Variants in JMY observed in about 807,000 individuals in gnomAD.
JMY encodes the protein junction mediating and regulatory protein, p53 cofactor.
In JMY, 46 loss-of-function variants were observed where a neutral mutation model predicts 103.3. The observed-to-expected ratio is 0.45, with a 90% CI of 0.35 to 0.57. The LOEUF (loss-of-function observed/expected upper bound fraction) is 0.57, where lower values mean the gene tolerates loss of function less well. Among genes scored for constraint, JMY ranks in the 20% least tolerant of loss-of-function variants. The pLI, the probability that JMY is intolerant of heterozygous loss-of-function variation, is 0.00. For synonymous variants in JMY, 526 were observed against 489.3 expected, an observed-to-expected ratio of 1.07 and a Z score of -0.99; for missense variants, 1,238 against 1,255.2, an observed-to-expected ratio of 0.99 and a Z score of 0.21.
chr5:79,265,530 G>GTACC (rs1745560070), intron 1 of JMY, among the ~76,000 whole-genome samples: 1 of 151,878 alleles, frequency 6.6e-6, no homozygotes, highest in South Asian at 2.1e-4. Context: ...GAGTAGCAAG[G>GTACC]TACCGTCACT....
chr5:79,253,450 GC>G (rs1223552449), intron 1 of JMY, among the ~76,000 whole-genome samples: 2 of 152,006 alleles, frequency 1.3e-5, no homozygotes, highest in East Asian at 3.9e-4. Flanking sequence ...CCGCCACCAA[GC>G]CCAGCTGGTT....
At chr5:79,259,916 G>A (rs1282234986) in intron 1 of JMY, among the ~76,000 whole-genome samples, 4 of 152,210 alleles carry the variant, frequency 2.6e-5, no homozygotes, top group African/African-American at 7.2e-5. Context: ...TGGGAATCCT[G>A]CATGCCCCTG....
At chr5:79,282,599 A>G (rs1043102987) in intron 2 of JMY, among the ~76,000 whole-genome samples, 1 of 152,196 alleles carries the variant, frequency 6.6e-6, no homozygotes, top group Non-Finnish European at 1.5e-5. Flanking sequence ...AATTTTCAGT[A>G]GGAAGTGGGT....
chr5:79,309,030 CTT>C (rs200982203), intron 7 of JMY, among the ~76,000 whole-genome samples: 281 of 152,114 alleles, frequency 1.8e-3, no homozygotes, highest in African/African-American at 5.8e-3. Context: ...AAACAATTGA[CTT>C]TTGTTAATTA....
chr5:79,318,776 A>G (rs1747341459), intron 10 of JMY, among the ~76,000 whole-genome samples: 1 of 24,858 alleles, frequency 4.0e-5, no homozygotes, highest in Non-Finnish European at 8.1e-5. Flanking sequence ...AGAGAGAGAG[A>G]GAGAGAGAGA....
chr5:79,312,559 ATATACACCTG>A (rs1434249759), intron 8 of JMY, 61 bp downstream of exon 8: 67 of 817,838 alleles, frequency 8.2e-5, no homozygotes, highest in Non-Finnish European at 1.1e-4. Context: ...ACAGAGCTAC[ATATACACCTG>A]TAGGATTTCT....
At chr5:79,310,728 A>T (rs1474517128) in intron 7 of JMY, among the ~76,000 whole-genome samples, 1 of 152,212 alleles carries the variant, frequency 6.6e-6, no homozygotes, top group Non-Finnish European at 1.5e-5. Flanking sequence ...AAATATGAGG[A>T]TTACTTATTA....
intron 1 of JMY, among the ~76,000 whole-genome samples, chr5:79,246,298 G>A (rs1460751043): frequency 2.0e-5 from 3 of 152,102 alleles, no homozygotes; most frequent in Non-Finnish European, 4.4e-5. Context: ...CCACACCTAT[G>A]GGGCCATAAC....
chr5:79,321,748 G>A lies in JMY; in HGVS notation c.*146G>A, dbSNP rs1289147596. 1 of 152,140 alleles carries A rather than the reference G, an allele frequency of 6.6e-6. No individual in the cohort carries two copies. The highest frequency in any genetic ancestry group is 2.4e-5 in the African/African-American group (1 of 41,426). The allele number at this position is 152,140 out of a possible 1,614,324, so 9.4% of individuals were successfully genotyped here. A position where few individuals can be genotyped will look rare whatever the true frequency, so the allele number is the denominator to read the frequency against. On this transcript the variant is annotated 3_prime_UTR_variant, in exon 11 of 11. Transcript: ENST00000396137. ...TGGTGTGAAGAAAGGAAGCACAATTGGCAGGTTATCACTTTCCAGTCGTTC... is the reference window on the plus strand; with the variant it reads ...TGGTGTGAAGAAAGGAAGCACAATTAGCAGGTTATCACTTTCCAGTCGTTC...
rs558217497 is a variant in JMY at position 79,238,644 on chromosome 5, C to A, written c.1032+962C>A. 3.3e-5 allele frequency among the ~76,000 whole-genome samples: 4 copies of A among 120,336 alleles called. No individual in the cohort carries two copies. In the East Asian group the frequency reaches 1.1e-3, roughly 32 times the overall value. 78.9% of individuals were successfully genotyped at this position (120,336 alleles called of 152,430 possible). A position where few individuals can be genotyped will look rare whatever the true frequency, so the allele number is the denominator to read the frequency against. ...GAGAAATGCACCCCCGCCCTCCGCGCCTTCTTTTTTTTTTTTTTTTTTGGA... is the reference window on the plus strand; with the variant it reads ...GAGAAATGCACCCCCGCCCTCCGCGACTTCTTTTTTTTTTTTTTTTTTGGA... On this transcript the variant is annotated intron_variant, in intron 1 of 10. Transcript: ENST00000396137.
In JMY at chr5:79,236,864, G is replaced by A; in HGVS notation, c.214G>A (p.Gly72Arg). The A allele has an allele frequency of 1.4e-6, 2 of 1,438,362 alleles. No individual in the cohort carries two copies. Among genetic ancestry groups the A allele is most frequent in the Non-Finnish European group, 1.8e-6 (2 of 1,090,870 alleles). 89.1% of individuals were successfully genotyped at this position (1,438,362 alleles called of 1,614,324 possible). The change falls in exon 1 of 11, where the codon GGA becomes AGA. Residue 72 changes from glycine (G) to arginine (R), a missense_variant. By Grantham distance (125) the Gly-to-Arg change is moderately radical. Coordinates refer to ENST00000396137, the MANE Select transcript of JMY (RefSeq NM_152405.5). ...AGARGGAEAG[G>R]AASDGSRGPG... ...GGCGCGAGGGGGCGCCGAGGCCGGC[G>A]GAGCTGCGTCCGACGGGAGCCGCGG...
intron 7 of JMY, among the ~76,000 whole-genome samples, chr5:79,307,266 G>C (rs1328453947): frequency 6.6e-6 from 1 of 152,180 alleles, no homozygotes; most frequent in Admixed American, 6.5e-5. Context: ...AAATAACAAG[G>C]AGCATGAATG....
chr5:79,237,914 G>A (rs1744576212), intron 1 of JMY, among the ~76,000 whole-genome samples: 2 of 152,120 alleles, frequency 1.3e-5, no homozygotes, highest in South Asian at 4.1e-4. Flanking sequence ...ATCAAAAGTA[G>A]TAAGTGCGCT....
At chr5:79,244,006 C>CTT (rs1186953156) in intron 1 of JMY, among the ~76,000 whole-genome samples, 32 of 141,360 alleles carry the variant, frequency 2.3e-4, no homozygotes, top group Admixed American at 7.8e-4. Context: ...TCTTTTTTTC[C>CTT]TTTTTTTTTT....
chr5:79,294,071 A>T (rs533369874), intron 4 of JMY, among the ~76,000 whole-genome samples: 1 of 152,212 alleles, frequency 6.6e-6, no homozygotes. Flanking sequence ...GAGATTTTCT[A>T]TATAGTTATT....
At chr5:79,276,572 T>G (rs1745943132) in intron 1 of JMY, among the ~76,000 whole-genome samples, 2 of 152,022 alleles carry the variant, frequency 1.3e-5, no homozygotes, top group African/African-American at 4.8e-5. Context: ...TATCAGCTAA[T>G]TTTTACATTT....
intron 1 of JMY, among the ~76,000 whole-genome samples, chr5:79,244,221 G>A (rs183936309): frequency 6.4e-4 from 98 of 152,102 alleles, no homozygotes; most frequent in Middle Eastern, 3.4e-3. Context: ...GGCTGGTCTC[G>A]AACTCCTGAC....
chr5:79,272,779 G>T (rs1398211698), intron 1 of JMY, among the ~76,000 whole-genome samples: 1 of 152,150 alleles, frequency 6.6e-6, no homozygotes, highest in African/African-American at 2.4e-5. Flanking sequence ...GATTGCAGGT[G>T]TGTGCTGCCA....
intron 1 of JMY, among the ~76,000 whole-genome samples, chr5:79,260,242 A>G (rs1459940560): frequency 6.6e-6 from 1 of 152,202 alleles, no homozygotes; most frequent in Non-Finnish European, 1.5e-5. Context: ...CGGAGACTCC[A>G]GGCCTGGGAG....
Sources: gnomAD v4.1 joint callset for allele counts (sites outside exome capture counted in the v4.1 genomes callset) on GRCh38, gnomAD v4.1.1 for gene constraint, MANE v1.5 for transcripts, NCBI Gene and HGNC (gene_info 2026-07-23, HGNC 2026-07-21) for gene names.